The following PRKG1 variants were observed in gnomAD, a reference collection of about 807,000 sequenced individuals.
PRKG1 encodes cGMP-dependent protein kinase 1.
A neutral mutation model predicts 88.1 loss-of-function variants in PRKG1; 35 were observed. The ratio of observed to expected loss-of-function variants is 0.40; its 90% CI spans 0.30 to 0.53. PRKG1 has a LOEUF of 0.53. Ranked by LOEUF, PRKG1 falls within the 20% of genes least tolerant of loss-of-function variation. The pLI is 0.59. For synonymous variants in PRKG1, 303 were observed against 292.5 expected, an observed-to-expected ratio of 1.04 and a Z score of -0.37; for missense variants, 540 against 839.8, an observed-to-expected ratio of 0.64 and a Z score of 4.41.
chr10:51,456,459 T>G (rs1028174896), intron 2 of PRKG1, among the ~76,000 whole-genome samples: 2 of 151,994 alleles, frequency 1.3e-5, no homozygotes, highest in Non-Finnish European at 2.9e-5. Flanking sequence ...ATCAAAGACT[T>G]ACATCTAAGA....
chr10:51,793,058 C>A (rs549256633), intron 3 of PRKG1, among the ~76,000 whole-genome samples: 128 of 142,670 alleles, frequency 9.0e-4, no homozygotes, highest in Middle Eastern at 3.9e-3. Context: ...GTGCTAGTGA[C>A]TATCTCCAAA....
chr10:52,134,630 C>T (rs1435752215), intron 8 of PRKG1, among the ~76,000 whole-genome samples: 1 of 152,046 alleles, frequency 6.6e-6, no homozygotes, highest in Non-Finnish European at 1.5e-5. Context: ...ATAAATTCAT[C>T]GAATAGCCAA....
intron 2 of PRKG1, among the ~76,000 whole-genome samples, chr10:51,451,019 T>A (rs185532247): frequency 2.6e-5 from 4 of 152,058 alleles, no homozygotes. Context: ...TTTGGAAGTC[T>A]GCTGTGTATG....
intron 2 of PRKG1, among the ~76,000 whole-genome samples, chr10:51,178,156 G>A (rs180770906): frequency 5.3e-5 from 8 of 151,272 alleles, no homozygotes; most frequent in Admixed American, 1.3e-4. Flanking sequence ...ATGTTTCTAC[G>A]TAGATATATT....
chr10:51,689,155 T>G (rs1031356014), intron 3 of PRKG1, among the ~76,000 whole-genome samples: 2 of 152,128 alleles, frequency 1.3e-5, no homozygotes, highest in African/African-American at 4.8e-5. Context: ...CTTTGTAAGT[T>G]TCTGAGTCTG....
intron 2 of PRKG1, among the ~76,000 whole-genome samples, chr10:51,181,878 T>C (rs2132026490): frequency 6.6e-6 from 1 of 152,356 alleles, no homozygotes; most frequent in East Asian, 1.9e-4. Flanking sequence ...ATTTTGCATG[T>C]ATGAAAGTTG....
At chr10:50,997,732 G>T (rs1842850328) in intron 1 of PRKG1, among the ~76,000 whole-genome samples, 1 of 152,180 alleles carries the variant, frequency 6.6e-6, no homozygotes, top group South Asian at 2.1e-4. Context: ...AAAAATGAAA[G>T]CTCAGAAGTT....
At chr10:51,632,672 A>G (rs1354394392) in intron 3 of PRKG1, among the ~76,000 whole-genome samples, 2 of 152,206 alleles carry the variant, frequency 1.3e-5, no homozygotes, top group Middle Eastern at 3.2e-3. Context: ...TAGATTGAGT[A>G]TAAAATTGAG....
At chr10:52,246,775 C>G (rs1841033757) in intron 9 of PRKG1, among the ~76,000 whole-genome samples, 1 of 148,044 alleles carries the variant, frequency 6.8e-6, no homozygotes, top group South Asian at 2.2e-4. Flanking sequence ...ACTCAGGAGG[C>G]TGAGGCAGGA....
chr10:51,838,534 G>A (rs1840187111), intron 4 of PRKG1, among the ~76,000 whole-genome samples: 1 of 152,204 alleles, frequency 6.6e-6, no homozygotes, highest in African/African-American at 2.4e-5. Context: ...TTTAAAGGGA[G>A]CTTCCTTTTT....
chr10:51,696,910 T>C (rs1305411919), intron 3 of PRKG1: 3 of 152,096 alleles, frequency 2.0e-5, no homozygotes, highest in Admixed American at 6.6e-5. Context: ...TTAAAGACTA[T>C]TGAGAAATAG....
intron 2 of PRKG1, among the ~76,000 whole-genome samples, chr10:51,367,454 C>T (rs1443253589): frequency 2.6e-5 from 4 of 152,072 alleles, no homozygotes; most frequent in Non-Finnish European, 5.9e-5. Context: ...GCTGAGGGAA[C>T]ATCTCTTATG....
intron 4 of PRKG1, among the ~76,000 whole-genome samples, chr10:51,856,088 A>G (rs2132817473): frequency 6.6e-6 from 1 of 152,220 alleles, no homozygotes. Context: ...CCATTGTTAC[A>G]TCACCACCTT....
chr10:51,151,130 C>CAAAA (rs56202198), intron 1 of PRKG1, among the ~76,000 whole-genome samples: 4 of 119,874 alleles, frequency 3.3e-5, no homozygotes, highest in African/African-American at 6.2e-5. Flanking sequence ...CACTCTCTGA[C>CAAAA]AAAAAAAAAA....
intron 3 of PRKG1, among the ~76,000 whole-genome samples, chr10:51,764,346 C>G (rs527729714): frequency 6.6e-6 from 1 of 152,078 alleles, no homozygotes; most frequent in Non-Finnish European, 1.5e-5. Flanking sequence ...AAGTGAGATC[C>G]TCATGCCCTG....
chr10:51,485,304 A>G (rs1326200762), intron 3 of PRKG1, among the ~76,000 whole-genome samples: 4 of 152,192 alleles, frequency 2.6e-5, no homozygotes, highest in African/African-American at 9.7e-5. Flanking sequence ...ATTGGGAAGA[A>G]ACTACTTGGA....
intron 2 of PRKG1, among the ~76,000 whole-genome samples, chr10:51,199,577 A>G (rs539354498): frequency 6.6e-6 from 1 of 152,256 alleles, no homozygotes; most frequent in South Asian, 2.1e-4. Flanking sequence ...TGGACTACCA[A>G]AGGGCTTCCT....
At chr10:51,451,968 T>C (rs1284204741) in intron 2 of PRKG1, among the ~76,000 whole-genome samples, 29 of 151,942 alleles carry the variant, frequency 1.9e-4, no homozygotes, top group Admixed American at 1.9e-3. Context: ...TAAAAGATAT[T>C]ATTATATTAA....
At chr10:51,505,196 T>C (rs1287923580) in intron 3 of PRKG1, among the ~76,000 whole-genome samples, 7 of 152,206 alleles carry the variant, frequency 4.6e-5, no homozygotes, top group Non-Finnish European at 7.3e-5. Context: ...TGTTGAATTT[T>C]GTCAAAGGCC....
Sources: gnomAD v4.1 joint callset for allele counts (sites outside exome capture counted in the v4.1 genomes callset) on GRCh38, gnomAD v4.1.1 for gene constraint, MANE v1.5 for transcripts, NCBI Gene and HGNC (gene_info 2026-07-23, HGNC 2026-07-21) for gene names.